Variants in KHDRBS2 observed in about 807,000 individuals in gnomAD.
The protein encoded by KHDRBS2 is KH domain-containing, RNA-binding, signal transduction-associated protein 2.
A neutral mutation model predicts 44.3 loss-of-function variants in KHDRBS2; 26 were observed. That is an observed-to-expected ratio of 0.59 (90% CI 0.43 to 0.81). The LOEUF (loss-of-function observed/expected upper bound fraction) is 0.81. Ranked by LOEUF, KHDRBS2 falls within the 40% of genes least tolerant of loss-of-function variation. The pLI, the probability that KHDRBS2 is intolerant of heterozygous loss-of-function variation, is 0.00. For synonymous variants in KHDRBS2, 194 were observed against 151.1 expected (o/e 1.28, Z -2.08); for missense variants, 476 against 433.1 (o/e 1.10, Z -0.88).
intron 1 of KHDRBS2, among the ~76,000 whole-genome samples, chr6:62,180,757 A>G (rs1822103871): frequency 6.6e-6 from 1 of 151,894 alleles, no homozygotes; most frequent in Admixed American, 6.6e-5. Flanking sequence ...GAAAATACAC[A>G]ACTGGAGACA....
chr6:61,792,063 G>C lies in KHDRBS2; in HGVS notation c.811-59299C>G, dbSNP rs192427844. On this transcript the variant is annotated intron_variant, in intron 6 of 8. Coordinates refer to ENST00000281156, the MANE Select transcript of KHDRBS2 (RefSeq NM_152688.4). ...CCTGCTAGTTTAGAAATTACACTCT[G>C]TTTCTATTCCTTGTCTCTCTAGCTT... Among the ~76,000 whole-genome samples the C allele has an allele frequency of 2.3e-3, 341 of 151,058 alleles. 2 individuals are homozygous for C. The highest frequency in any genetic ancestry group is 8.0e-3 in the African/African-American group (332 of 41,328).
At chr6:61,602,072 G>C in the KHDRBS2 span, among the ~76,000 whole-genome samples, 3 of 152,070 alleles carry the variant, frequency 2.0e-5, no homozygotes, top group African/African-American at 7.2e-5. Context: ...ACCCTAAAAG[G>C]TCAAAAGGCC....
chr6:61,666,709 A>G, the KHDRBS2 span, among the ~76,000 whole-genome samples: 1 of 151,452 alleles, frequency 6.6e-6, no homozygotes, highest in African/African-American at 2.4e-5. Context: ...TTCTTATTAA[A>G]CAATATAATA....
intron 2 of KHDRBS2, among the ~76,000 whole-genome samples, chr6:62,128,972 T>C (rs1453335278): frequency 1.3e-5 from 2 of 151,908 alleles, no homozygotes; most frequent in Non-Finnish European, 2.9e-5. Flanking sequence ...TTATTCCATA[T>C]AGACATGATA....
the KHDRBS2 span, among the ~76,000 whole-genome samples, chr6:61,595,697 AT>A: frequency 6.6e-6 from 1 of 151,916 alleles, no homozygotes; most frequent in Admixed American, 6.6e-5. Flanking sequence ...GCATTTCATA[AT>A]TTTTTATAAA....
At chr6:62,123,379 C>T (rs1001842424) in intron 2 of KHDRBS2, among the ~76,000 whole-genome samples, 1 of 152,172 alleles carries the variant, frequency 6.6e-6, no homozygotes, top group African/African-American at 2.4e-5. Flanking sequence ...GTGTCTTTAT[C>T]ACAGCATGAT....
At chr6:62,073,544 T>TC (rs1314647720) in intron 2 of KHDRBS2, among the ~76,000 whole-genome samples, 1 of 149,650 alleles carries the variant, frequency 6.7e-6, no homozygotes, top group Admixed American at 6.7e-5. Context: ...TTTTTTTTTT[T>TC]TGTTTTATTT....
intron 3 of KHDRBS2, among the ~76,000 whole-genome samples, chr6:62,046,413 G>A (rs1368275393): frequency 6.6e-6 from 1 of 151,958 alleles, no homozygotes; most frequent in Admixed American, 6.6e-5. Flanking sequence ...AACAGATACA[G>A]TAAAATATGT....
At chr6:62,153,855 C>T (rs1815772583) in intron 2 of KHDRBS2, among the ~76,000 whole-genome samples, 1 of 152,162 alleles carries the variant, frequency 6.6e-6, no homozygotes, top group South Asian at 2.1e-4. Flanking sequence ...TTGCCTAAAG[C>T]ATTCACAGTA....
intron 2 of KHDRBS2, among the ~76,000 whole-genome samples, chr6:62,141,437 C>T (rs1812782050): frequency 6.6e-6 from 1 of 152,068 alleles, no homozygotes; most frequent in South Asian, 2.1e-4. Flanking sequence ...ACAGAAAAAA[C>T]TTCATCCTAT....
chr6:61,831,979 G>A (rs1259973301), intron 6 of KHDRBS2, among the ~76,000 whole-genome samples: 1 of 152,160 alleles, frequency 6.6e-6, no homozygotes, highest in Non-Finnish European at 1.5e-5. Flanking sequence ...GGTGGATCAT[G>A]CCTGTAATCC....
the KHDRBS2 span, among the ~76,000 whole-genome samples, chr6:61,624,631 T>C: frequency 1.3e-5 from 2 of 152,150 alleles, no homozygotes; most frequent in African/African-American, 4.8e-5. Context: ...ACTGATTGAA[T>C]CACATACCAC....
At chr6:61,842,923 A>AGCT (rs1224130104) in intron 6 of KHDRBS2, among the ~76,000 whole-genome samples, 6 of 152,094 alleles carry the variant, frequency 3.9e-5, no homozygotes, top group Non-Finnish European at 8.8e-5. Flanking sequence ...TATACAGATA[A>AGCT]ACTATCTGTA....
At chr6:61,785,786 A>T (rs2127583104) in intron 6 of KHDRBS2, among the ~76,000 whole-genome samples, 1 of 152,268 alleles carries the variant, frequency 6.6e-6, no homozygotes, top group Non-Finnish European at 1.5e-5. Flanking sequence ...TCCAGATGGA[A>T]AAAAGAGAAA....
At chr6:62,107,497 T>G (rs1292828659) in intron 2 of KHDRBS2, among the ~76,000 whole-genome samples, 1 of 152,056 alleles carries the variant, frequency 6.6e-6, no homozygotes, top group African/African-American at 2.4e-5. Flanking sequence ...AGAATCAATA[T>G]CGTGAAAATG....
intron 1 of KHDRBS2, among the ~76,000 whole-genome samples, chr6:62,229,762 G>C (rs1464294908): frequency 6.6e-6 from 1 of 152,130 alleles, no homozygotes; most frequent in African/African-American, 2.4e-5. Context: ...CCTGCCCCTT[G>C]TGGCTCTCAG....
the KHDRBS2 span, among the ~76,000 whole-genome samples, chr6:61,581,929 C>A: frequency 6.6e-6 from 1 of 151,548 alleles, no homozygotes; most frequent in Non-Finnish European, 1.5e-5. Context: ...CAACCATATT[C>A]TCTAATTTTA....
chr6:62,048,627 CAG>C (rs1356898250), intron 2 of KHDRBS2, among the ~76,000 whole-genome samples: 1 of 151,800 alleles, frequency 6.6e-6, no homozygotes, highest in Non-Finnish European at 1.5e-5. Context: ...AGTTAAAAAA[CAG>C]TACTTATAAA....
intron 6 of KHDRBS2, among the ~76,000 whole-genome samples, chr6:61,748,858 T>C (rs1777225150): frequency 6.6e-6 from 1 of 152,140 alleles, no homozygotes; most frequent in Admixed American, 6.5e-5. Flanking sequence ...AAATTCTCTA[T>C]GCCCTGTGCT....
Sources: allele counts gnomAD v4.1 joint callset (sites outside exome capture counted in the v4.1 genomes callset), GRCh38; gene constraint gnomAD v4.1.1; transcripts MANE v1.5; gene names NCBI Gene and HGNC (gene_info 2026-07-23, HGNC 2026-07-21).